Variants in GRAMD4 observed in about 807,000 individuals in gnomAD.
GRAMD4 encodes the protein GRAM domain-containing protein 4.
A neutral mutation model predicts 83.9 loss-of-function variants in GRAMD4; 25 were observed. The observed-to-expected ratio is 0.30, with a 90% CI of 0.22 to 0.42. GRAMD4 has a LOEUF of 0.42. Among genes scored for constraint, GRAMD4 ranks in the 10% least tolerant of loss-of-function variants. GRAMD4 has a pLI of 1.00. For missense variants in GRAMD4, 593 were observed against 788.7 expected (o/e 0.75, Z 2.97); for synonymous variants, 336 against 320.9 (o/e 1.05, Z -0.50).
intron 1 of GRAMD4, among the ~76,000 whole-genome samples, chr22:46,602,460 C>T (rs1377138586): frequency 2.0e-5 from 3 of 152,044 alleles, no homozygotes; most frequent in Non-Finnish European, 4.4e-5. Flanking sequence ...TCCAGGAGTT[C>T]GGGACCAGCC....
Position 46,672,714 on chromosome 22 carries a change from G to A in GRAMD4, c.1085-129G>A, listed in dbSNP as rs986962643. ...AGGGTGAGGACTGAGCGAGCAGCTG[G>A]ACTCTCACATCCAGGCTCAGGGTGG... is the stretch of plus-strand genomic sequence containing the variant. On this transcript the variant is annotated intron_variant, in intron 13 of 18. Transcript: ENST00000406902. This position sits in a 1 kb window ranked among gnomAD's most constrained non-coding sequence, Gnocchi z 4.7. The A allele has an allele frequency of 1.4e-5, 10 of 693,128 alleles. No individual in the cohort carries two copies. The Admixed American group carries it at 2.3e-4, about 16-fold the overall frequency. The allele number at this position is 693,128 out of a possible 1,614,324, so 42.9% of individuals were successfully genotyped here. A position where few individuals can be genotyped will look rare whatever the true frequency, so the allele number is the denominator to read the frequency against.
intron 1 of GRAMD4, among the ~76,000 whole-genome samples, chr22:46,581,407 C>T (rs2081097077): frequency 6.6e-6 from 1 of 152,222 alleles, no homozygotes; most frequent in African/African-American, 2.4e-5. Context: ...TGCCTAAGTC[C>T]CCAGTTCGTT....
chr22:46,665,185 C>T (rs999799771), intron 8 of GRAMD4, among the ~76,000 whole-genome samples: 6 of 152,372 alleles, frequency 3.9e-5, no homozygotes, highest in Non-Finnish European at 5.9e-5. Flanking sequence ...ATCTGCTCTG[C>T]GTCCCGGGCT....
At chr22:46,632,500 T>C (rs1340986896) in intron 2 of GRAMD4, among the ~76,000 whole-genome samples, 3 of 152,218 alleles carry the variant, frequency 2.0e-5, no homozygotes, top group Non-Finnish European at 2.9e-5. Flanking sequence ...ACAGCCTTGG[T>C]GTCCTGCACC....
At chr22:46,663,607 T>G (rs1328874159) in intron 6 of GRAMD4, among the ~76,000 whole-genome samples, 1 of 152,194 alleles carries the variant, frequency 6.6e-6, no homozygotes, top group Non-Finnish European at 1.5e-5. Flanking sequence ...GGGGACGATT[T>G]CATTGGCGAG....
chr22:46,633,533 C>T (rs1396950915), intron 2 of GRAMD4, among the ~76,000 whole-genome samples: 1 of 152,178 alleles, frequency 6.6e-6, no homozygotes, highest in African/African-American at 2.4e-5. Context: ...AAGGCTGCTC[C>T]TGGCCCGGGA....
intron 2 of GRAMD4, among the ~76,000 whole-genome samples, chr22:46,630,447 T>G (rs527818902): frequency 6.6e-6 from 1 of 152,366 alleles, no homozygotes; most frequent in African/African-American, 2.4e-5. Context: ...ATGGTCTCGC[T>G]GGGCCATGCA....
At chr22:46,615,253 G>A (rs1213865207) in intron 1 of GRAMD4, among the ~76,000 whole-genome samples, 2 of 12,210 alleles carry the variant, frequency 1.6e-4, no homozygotes, top group Non-Finnish European at 3.3e-4. Context: ...AGGTTCCCCC[G>A]TGTGTAGGTT....
At chr22:46,649,339 G>C (rs988647543) in intron 3 of GRAMD4, among the ~76,000 whole-genome samples, 1 of 152,176 alleles carries the variant, frequency 6.6e-6, no homozygotes, top group African/African-American at 2.4e-5. Context: ...GGTTGTGGGG[G>C]CGAGGGATGG....
intron 1 of GRAMD4, among the ~76,000 whole-genome samples, chr22:46,608,099 T>C (rs1027179526): frequency 3.3e-5 from 5 of 152,226 alleles, no homozygotes; most frequent in Non-Finnish European, 7.3e-5. Context: ...TCGGTCATTG[T>C]GGTTCGTGGA....
At chr22:46,680,741 C>CGT (rs2082663310), downstream of GRAMD4, among the ~76,000 whole-genome samples, 2 of 71,402 alleles carry the variant, frequency 2.8e-5, no homozygotes, top group Admixed American at 1.4e-4. Flanking sequence ...CATCCACCCA[C>CGT]CCATCCATCC....
rs73176512 is a variant in GRAMD4, at chr22:46,629,883, C to T, written c.162+2922C>T. Among the ~76,000 whole-genome samples the T allele has an allele frequency of 4.7e-3, 716 of 152,320 alleles. 4 individuals are homozygous for T. Among genetic ancestry groups the T allele is most frequent in the Non-Finnish European group, 6.8e-3 (464 of 68,022 alleles). On this transcript the variant is annotated intron_variant, in intron 2 of 18. Coordinates refer to ENST00000406902, the MANE Select transcript of GRAMD4 (RefSeq NM_015124.5). ...ATGGATTTGCCCATATGGGGCATCT[C>T]ATATAACATGAGGCCTCGTGTGTCT...
At chr22:46,608,829 T>G (rs2081389774) in intron 1 of GRAMD4, among the ~76,000 whole-genome samples, 1 of 152,126 alleles carries the variant, frequency 6.6e-6, no homozygotes, top group South Asian at 2.1e-4. Flanking sequence ...AGCAACATAG[T>G]GAAATCCCAT....
chr22:46,614,684 T>C lies in GRAMD4; in HGVS notation c.-49-12067T>C, dbSNP rs1461034850. Among the ~76,000 whole-genome samples the C allele has an allele frequency of 2.0e-5, 3 of 152,038 alleles. No individual in the cohort carries two copies. In the East Asian group the frequency reaches 5.8e-4, roughly 29 times the overall value. ...TTGGCTGTCCAGAATTTATACTTTA[T>C]GGGTAGTGCACATTTCATGATTATT... On this transcript the variant is annotated intron_variant, in intron 1 of 1. Transcript: ENST00000431155.
intron 3 of GRAMD4, among the ~76,000 whole-genome samples, chr22:46,640,757 G>C (rs987454833): frequency 6.6e-6 from 1 of 152,132 alleles, no homozygotes; most frequent in South Asian, 2.1e-4. Flanking sequence ...AAGATTCCCA[G>C]CAAGATTCCG....
chr22:46,595,346 T>C lies in GRAMD4; in HGVS notation c.-50+18056T>C, dbSNP rs2081251504. Among the ~76,000 whole-genome samples the C allele has an allele frequency of 3.9e-5, 6 of 152,312 alleles. No individual in the cohort carries two copies. In the Middle Eastern group the frequency reaches 0.014, roughly 345 times the overall value. On this transcript the variant is annotated intron_variant, in intron 1 of 1. Coordinates refer to the GRAMD4 transcript ENST00000431155. ...TTCACTTGGCTGCCTCTGGACATAG[T>C]GTCTCTTCCGACTTTATTTTCCTGG...
At chr22:46,646,829 C>T (rs145086640) in intron 3 of GRAMD4, among the ~76,000 whole-genome samples, 11 of 152,338 alleles carry the variant, frequency 7.2e-5, no homozygotes, top group Admixed American at 1.3e-4. Flanking sequence ...TTAATGGACT[C>T]ACAGTTCCAC....
At chr22:46,585,602 G>A (rs1387014945) in intron 1 of GRAMD4, among the ~76,000 whole-genome samples, 2 of 152,210 alleles carry the variant, frequency 1.3e-5, no homozygotes, top group Admixed American at 6.5e-5. Flanking sequence ...CCTTGTGTTC[G>A]CGGTCCCATG....
intron 14 of GRAMD4, 68 bp from the exon 15 acceptor site, chr22:46,673,602 G>A (rs1370400763): frequency 2.0e-5 from 31 of 1,552,636 alleles, no homozygotes; most frequent in African/African-American, 4.1e-5. Context: ...GTGTGTGTGC[G>A]GCCAGCACAT....
Sources: gnomAD v4.1 joint callset for allele counts (sites outside exome capture counted in the v4.1 genomes callset) on GRCh38, gnomAD v4.1.1 for gene constraint, Gnocchi (gnomAD v3.1) non-coding constraint, MANE v1.5 for transcripts, NCBI Gene and HGNC (gene_info 2026-07-23, HGNC 2026-07-21) for gene names.